The following IQSEC1 variants were observed in gnomAD, a reference collection of about 807,000 sequenced individuals.
IQSEC1 encodes the protein IQ motif and SEC7 domain-containing protein 1.
A neutral mutation model predicts 91.0 loss-of-function variants in IQSEC1; 31 were observed. The ratio of observed to expected loss-of-function variants is 0.34; its 90% confidence interval spans 0.26 to 0.46. The LOEUF is 0.46. Ranked by LOEUF, IQSEC1 falls within the 20% of genes least tolerant of loss-of-function variation. The pLI, the probability that IQSEC1 is intolerant of heterozygous loss-of-function variation, is 1.00. For synonymous variants in IQSEC1, 699 were observed against 662.6 expected (o/e 1.05, Z -0.84); for missense variants, 1,388 against 1,575.6 (o/e 0.88, Z 2.02).
chr3:13,200,050 GCA>G (rs973021736), intron 1 of IQSEC1, among the ~76,000 whole-genome samples: 3 of 119,886 alleles, frequency 2.5e-5, no homozygotes, highest in Admixed American at 8.4e-5. Flanking sequence ...CACTACACAC[GCA>G]CACACACCAC....
intron 1 of IQSEC1, among the ~76,000 whole-genome samples, chr3:13,269,034 A>T (rs1008361861): frequency 6.6e-6 from 1 of 152,256 alleles, no homozygotes; most frequent in Non-Finnish European, 1.5e-5. Flanking sequence ...CGGGGTTTCA[A>T]AAGGCAAGAA....
intron 1 of IQSEC1, among the ~76,000 whole-genome samples, chr3:13,027,182 A>G (rs907823413): frequency 1.3e-5 from 2 of 152,166 alleles, no homozygotes; most frequent in Non-Finnish European, 1.5e-5. Context: ...TGGAAAAATG[A>G]AAGTCCAGGG....
chr3:13,027,713 C>G (rs1317183401), intron 1 of IQSEC1, among the ~76,000 whole-genome samples: 1 of 152,004 alleles, frequency 6.6e-6, no homozygotes, highest in African/African-American at 2.4e-5. Flanking sequence ...CAGGGATGGC[C>G]AGTGGGAGCA....
At chr3:13,059,450 C>G (rs1240136081) in intron 1 of IQSEC1, among the ~76,000 whole-genome samples, 1 of 152,198 alleles carries the variant, frequency 6.6e-6, no homozygotes. Flanking sequence ...AGGCCTGGCA[C>G]GGGGTGCCCT....
At position 12,983,725 on chromosome 3, in the gene IQSEC1, T is replaced by C. The variant is rs918850148; in HGVS notation, c.24-41860A>G. On this transcript the variant is annotated intron_variant, in intron 1 of 13. Transcript: ENST00000613206. The surrounding 1 kb of genome is among the most constrained non-coding windows in gnomAD (Gnocchi z 4.3). Reference sequence around the variant, plus strand: ...CTGGGCGATGCTGTTCAGAGGACAATTTCCCTTTCCCTCTCCCCTCTGGAC... The same window carrying C: ...CTGGGCGATGCTGTTCAGAGGACAACTTCCCTTTCCCTCTCCCCTCTGGAC... 2.0e-5 allele frequency among the ~76,000 whole-genome samples: 3 copies of C among 152,108 alleles called. No homozygotes were observed. The highest frequency in any genetic ancestry group is 4.4e-5 in the Non-Finnish European group (3 of 67,998).
chr3:13,154,438 C>CATAT (rs774589168), intron 2 of IQSEC1, among the ~76,000 whole-genome samples: 620 of 20,686 alleles, frequency 0.03, 69 homozygotes, highest in African/African-American at 0.035. Context: ...AACTTACATG[C>CATAT]ATATATATAT....
chr3:13,197,182 G>A (rs1013189671), intron 1 of IQSEC1, among the ~76,000 whole-genome samples: 1 of 152,288 alleles, frequency 6.6e-6, no homozygotes. Flanking sequence ...TATCCCCTAC[G>A]GAAGGTCAGG....
At chr3:13,060,252 G>A (rs1429210134) in intron 1 of IQSEC1, among the ~76,000 whole-genome samples, 1 of 152,220 alleles carries the variant, frequency 6.6e-6, no homozygotes, top group Non-Finnish European at 1.5e-5. Context: ...AGTAAGGCGG[G>A]GAGGTGGAAA....
chr3:13,247,425 T>C (rs1302182383), intron 1 of IQSEC1, among the ~76,000 whole-genome samples: 1 of 152,228 alleles, frequency 6.6e-6, no homozygotes, highest in Non-Finnish European at 1.5e-5. Context: ...TGGATGAATG[T>C]TGCGGCTGCT....
At chr3:12,998,195 C>T (rs1468789098) in intron 1 of IQSEC1, among the ~76,000 whole-genome samples, 2 of 152,082 alleles carry the variant, frequency 1.3e-5, no homozygotes, top group Non-Finnish European at 2.9e-5. Flanking sequence ...ACTAAAAACA[C>T]AAAAATTAGC....
At chr3:12,943,250 G>A (rs1698921644) in intron 1 of IQSEC1, among the ~76,000 whole-genome samples, 1 of 152,096 alleles carries the variant, frequency 6.6e-6, no homozygotes, top group South Asian at 2.1e-4. Context: ...CCTGCAATGT[G>A]CACACATTTC....
At chr3:12,942,419 G>A (rs1378388172) in intron 1 of IQSEC1, among the ~76,000 whole-genome samples, 2 of 151,414 alleles carry the variant, frequency 1.3e-5, no homozygotes, top group South Asian at 2.1e-4. Context: ...TGGCTAACAC[G>A]GCGAAACCCT....
intron 2 of IQSEC1, among the ~76,000 whole-genome samples, chr3:13,158,718 T>C (rs1289393862): frequency 6.6e-6 from 1 of 152,064 alleles, no homozygotes; most frequent in East Asian, 1.9e-4. Context: ...TCCCAGCACT[T>C]TAGGAGTCCG....
At chr3:13,154,521 A>G (rs577218200) in intron 2 of IQSEC1, among the ~76,000 whole-genome samples, 8 of 139,786 alleles carry the variant, frequency 5.7e-5, no homozygotes, top group African/African-American at 2.1e-4. Context: ...TATTCATTAG[A>G]CAGTTACTCA....
At chr3:12,999,765 C>A (rs1451702025) in intron 1 of IQSEC1, among the ~76,000 whole-genome samples, 1 of 152,192 alleles carries the variant, frequency 6.6e-6, no homozygotes, top group South Asian at 2.1e-4. Context: ...CTACTGCCCA[C>A]CAAACCAGGT....
chr3:13,264,012 C>T (rs1695440960), intron 1 of IQSEC1, among the ~76,000 whole-genome samples: 1 of 152,246 alleles, frequency 6.6e-6, no homozygotes, highest in Non-Finnish European at 1.5e-5. Context: ...CAGCACCACA[C>T]AGGCTTGGTA....
chr3:12,962,445 C>G (rs569016508), intron 1 of IQSEC1, among the ~76,000 whole-genome samples: 6 of 152,262 alleles, frequency 3.9e-5, no homozygotes, highest in African/African-American at 1.2e-4. Context: ...TTGGGAGAAC[C>G]CTTCCAGTTT....
rs150900832 is a variant in IQSEC1, at chr3:13,213,042, G to A, written c.273-48909C>T. ...GGATAATATTCTTTGAAGCATAAAC[G>A]TTTTTAACTTTGATGGGGTCCAATT... is the stretch of plus-strand genomic sequence containing the variant. On this transcript the variant is annotated intron_variant, in intron 1 of 15. Transcript: ENST00000648114. Among the ~76,000 whole-genome samples the A allele has an allele frequency of 2.3e-4, 35 of 152,226 alleles. No individual in the cohort carries two copies. In the East Asian group the frequency reaches 5.8e-3, roughly 25 times the overall value.
intron 2 of IQSEC1, among the ~76,000 whole-genome samples, chr3:13,082,844 C>T (rs1456315024): frequency 2.0e-5 from 3 of 152,194 alleles, no homozygotes; most frequent in African/African-American, 7.2e-5. Context: ...CCACTCCAGC[C>T]AAGGGGCCCA....
Sources: gnomAD v4.1 joint callset for allele counts (sites outside exome capture counted in the v4.1 genomes callset) on GRCh38, gnomAD v4.1.1 for gene constraint, Gnocchi (gnomAD v3.1) non-coding constraint, MANE v1.5 for transcripts, NCBI Gene and HGNC (gene_info 2026-07-23, HGNC 2026-07-21) for gene names.